The following TCF20 variants were observed in gnomAD, a reference collection of about 807,000 sequenced individuals.
TCF20 encodes SPRE-binding protein.
A neutral mutation model predicts 148.6 loss-of-function variants in TCF20; 3 were observed. That is an observed-to-expected ratio of 0.02 (90% CI 0.01 to 0.05). The LOEUF is 0.05. Ranked by LOEUF, TCF20 falls within the 10% of genes least tolerant of loss-of-function variation. The probability of loss-of-function intolerance (pLI) is 1.00; values close to 1 mark genes in which losing one functional copy is unlikely to be tolerated. For missense variants in TCF20, 2,350 were observed against 2,429.3 expected (o/e 0.97, Z 0.69); for synonymous variants, 1,049 against 909.5 (o/e 1.15, Z -2.76).
intron 1 of TCF20, among the ~76,000 whole-genome samples, chr22:42,248,696 A>C (rs904584735): frequency 2.0e-5 from 3 of 152,216 alleles, no homozygotes; most frequent in Admixed American, 6.5e-5. Flanking sequence ...CACAACCCCA[A>C]AAGATTAAAA....
At chr22:42,226,262 G>A (rs1018262587) in intron 1 of TCF20, among the ~76,000 whole-genome samples, 9 of 152,328 alleles carry the variant, frequency 5.9e-5, no homozygotes, top group East Asian at 1.9e-4. Context: ...AATGCTGAGC[G>A]TAGGGGCTTC....
intron 1 of TCF20, among the ~76,000 whole-genome samples, chr22:42,301,580 G>A (rs2147034037): frequency 6.6e-6 from 1 of 152,368 alleles, no homozygotes; most frequent in South Asian, 2.1e-4. Flanking sequence ...TGATTCGACA[G>A]GCGGAGGTGT....
At chr22:42,281,718 C>T (rs1926906834) in intron 1 of TCF20, among the ~76,000 whole-genome samples, 1 of 152,216 alleles carries the variant, frequency 6.6e-6, no homozygotes, top group Non-Finnish European at 1.5e-5. Context: ...GGTGAGTTTG[C>T]CCAAAGGAAG....
intron 1 of TCF20, among the ~76,000 whole-genome samples, chr22:42,220,539 T>C (rs1485273655): frequency 6.6e-6 from 1 of 152,140 alleles, no homozygotes; most frequent in Non-Finnish European, 1.5e-5. Context: ...ATTCTCCTTC[T>C]TTGCCTTTAA....
intron 1 of TCF20, 183 bp from the exon 2 acceptor site, chr22:42,215,524 G>A: frequency 1.4e-6 from 1 of 717,854 alleles, no homozygotes; most frequent in Non-Finnish European, 2.1e-6. Context: ...AGGCTGGAGT[G>A]CAATTGCACG....
intron 1 of TCF20, among the ~76,000 whole-genome samples, chr22:42,342,032 G>A (rs1928177289): frequency 6.6e-6 from 1 of 152,146 alleles, no homozygotes; most frequent in South Asian, 2.1e-4. Flanking sequence ...AGTGCTTAGG[G>A]GGTCTAAGAC....
chr22:42,335,108 G>T (rs1379677767), intron 1 of TCF20, among the ~76,000 whole-genome samples: 1 of 151,912 alleles, frequency 6.6e-6, no homozygotes, highest in African/African-American at 2.4e-5. Flanking sequence ...CCTGCTCCCG[G>T]GGCCCTGCCC....
intron 3 of TCF20, among the ~76,000 whole-genome samples, chr22:42,178,251 C>T (rs549514746): frequency 2.0e-4 from 30 of 152,070 alleles, no homozygotes; most frequent in Non-Finnish European, 3.5e-4. Flanking sequence ...GAAGTGTTTC[C>T]GTGAATTCTG....
At chr22:42,327,188 C>T (rs953249305) in intron 1 of TCF20, among the ~76,000 whole-genome samples, 6 of 152,346 alleles carry the variant, frequency 3.9e-5, no homozygotes, top group African/African-American at 1.4e-4. Flanking sequence ...AGTCTGGAGG[C>T]TGGCACTGAT....
chr22:42,270,757 G>T (rs1926579974), upstream of TCF20, among the ~76,000 whole-genome samples: 1 of 144,510 alleles, frequency 6.9e-6, no homozygotes, highest in Admixed American at 6.8e-5. Context: ...CGGGGGCGGG[G>T]CGCTGGGGGC....
At chr22:42,184,631 G>T (rs533916173) in intron 2 of TCF20, among the ~76,000 whole-genome samples, 2 of 152,216 alleles carry the variant, frequency 1.3e-5, no homozygotes, top group African/African-American at 4.8e-5. Context: ...ACTCCAAGCA[G>T]AGGTAAGTCC....
rs1449513156 is a variant in TCF20, at chr22:42,251,489, TGTC to T, written c.-37+18847_-37+18849del. 1.3e-4 allele frequency among the ~76,000 whole-genome samples: 17 copies of T among 129,816 alleles called. No homozygotes were observed. In the South Asian group the frequency reaches 3.1e-3, roughly 24 times the overall value. 85.2% of individuals were successfully genotyped at this position (129,816 alleles called of 152,430 possible). Reference sequence around the variant, plus strand: ...GAGACTCTGTACCTGGCCAAACAAGTGTCTTTTTTTTTTTTTTTTTTTTTTTTT... The same window carrying T: ...GAGACTCTGTACCTGGCCAAACAAGTTTTTTTTTTTTTTTTTTTTTTTTTT... On this transcript the variant is annotated intron_variant, in intron 1 of 5. Transcript: ENST00000677622.
At chr22:42,195,501 T>C (rs1164951324) in intron 2 of TCF20, among the ~76,000 whole-genome samples, 2 of 138,944 alleles carry the variant, frequency 1.4e-5, no homozygotes, top group African/African-American at 5.3e-5. Context: ...TATTACATAC[T>C]TTTTTTTTTT....
chr22:42,316,746 T>G (rs1397657231), intron 1 of TCF20, among the ~76,000 whole-genome samples: 1 of 152,140 alleles, frequency 6.6e-6, no homozygotes, highest in Non-Finnish European at 1.5e-5. Flanking sequence ...GGCCCACCTT[T>G]TCTTGCTGAA....
chr22:42,194,168 C>T (rs1167139499), intron 2 of TCF20, among the ~76,000 whole-genome samples: 4 of 152,174 alleles, frequency 2.6e-5, no homozygotes, highest in Non-Finnish European at 5.9e-5. Context: ...GGGTTCTCTA[C>T]AGCTAATTTG....
intron 2 of TCF20, among the ~76,000 whole-genome samples, chr22:42,207,224 G>T (rs748588295): frequency 6.6e-6 from 1 of 151,936 alleles, no homozygotes; most frequent in Non-Finnish European, 1.5e-5. Context: ...CAAAGTCCGC[G>T]CACTGAATCA....
chr22:42,173,493 TG>T (rs144887284), intron 3 of TCF20, among the ~76,000 whole-genome samples: 4,425 of 152,192 alleles, frequency 0.029, 207 homozygotes, highest in African/African-American at 0.1. Context: ...AAGATCTGGG[TG>T]GGTTGACAGC....
At chr22:42,169,826 C>CT (rs755237199) in intron 4 of TCF20, 21 bp downstream of exon 4, 2 of 1,613,206 alleles carry the variant, frequency 1.2e-6, no homozygotes, top group Middle Eastern at 1.7e-4. Flanking sequence ...CTGCTGGTAG[C>CT]TCTTGGGGCC....
chr22:42,234,701 T>G (rs1299586151), intron 1 of TCF20, among the ~76,000 whole-genome samples: 1 of 152,096 alleles, frequency 6.6e-6, no homozygotes, highest in African/African-American at 2.4e-5. Context: ...TCAAATATAT[T>G]AAAAACATCA....
Sources: allele counts gnomAD v4.1 joint callset (sites outside exome capture counted in the v4.1 genomes callset), GRCh38; gene constraint gnomAD v4.1.1; transcripts MANE v1.5; gene names NCBI Gene and HGNC (gene_info 2026-07-23, HGNC 2026-07-21).